The following ANKS1B variants were observed in gnomAD, a reference collection of about 807,000 sequenced individuals.
ANKS1B encodes ankyrin repeat and sterile alpha motif domain-containing protein 1B.
ANKS1B carries 36 observed loss-of-function variants against 148.3 expected under a neutral mutation model. That is an observed-to-expected ratio of 0.24 (90% confidence interval 0.19 to 0.32). The LOEUF is 0.32. ANKS1B is among the 10% of genes least tolerant of loss of function. The probability of loss-of-function intolerance (pLI) is 1.00; values close to 1 mark genes in which losing one functional copy is unlikely to be tolerated. For missense variants in ANKS1B, 1,157 were observed against 1,542.6 expected, an observed-to-expected ratio of 0.75 and a Z score of 4.19; for synonymous variants, 542 against 560.8, an observed-to-expected ratio of 0.97 and a Z score of 0.47.
chr12:99,542,518 TA>T (rs34058101), intron 9 of ANKS1B, among the ~76,000 whole-genome samples: 57,118 of 151,672 alleles, frequency 0.38, 10,934 homozygotes, highest in Admixed American at 0.41. Context: ...AAAATCCCTA[TA>T]AAAAAAATCC....
intron 9 of ANKS1B, among the ~76,000 whole-genome samples, chr12:99,547,640 AACT>A (rs1336597869): frequency 6.6e-6 from 1 of 152,214 alleles, no homozygotes; most frequent in Non-Finnish European, 1.5e-5. Flanking sequence ...GTAGAATACA[AACT>A]ACTCAACTGA....
chr12:99,202,157 G>T (rs538247652), intron 14 of ANKS1B, among the ~76,000 whole-genome samples: 1 of 152,066 alleles, frequency 6.6e-6, no homozygotes, highest in Non-Finnish European at 1.5e-5. Context: ...GTTAAGCTTC[G>T]GCTTTCTCTT....
chr12:99,713,016 T>C (rs2056841924), intron 8 of ANKS1B, among the ~76,000 whole-genome samples: 1 of 152,216 alleles, frequency 6.6e-6, no homozygotes. Flanking sequence ...TCTTTCTCTG[T>C]CTCTTTCAGT....
chr12:99,399,329 T>C (rs2094340104), intron 12 of ANKS1B, among the ~76,000 whole-genome samples: 1 of 152,148 alleles, frequency 6.6e-6, no homozygotes, highest in Non-Finnish European at 1.5e-5. Context: ...TGTTGATTAG[T>C]TGATACCGCT....
intron 11 of ANKS1B, 64 bp downstream of exon 11, chr12:99,443,609 T>G: frequency 6.5e-7 from 1 of 1,540,884 alleles, no homozygotes; most frequent in African/African-American, 1.4e-5. Context: ...ATATAAGTGA[T>G]GTACATGCAT....
intron 17 of ANKS1B, among the ~76,000 whole-genome samples, chr12:98,973,639 G>T (rs2099885767): frequency 6.6e-6 from 1 of 152,128 alleles, no homozygotes; most frequent in African/African-American, 2.4e-5. Flanking sequence ...TCTGCCCTTA[G>T]TCAGCCTTCT....
At chr12:99,351,987 C>T (rs1010821059) in intron 12 of ANKS1B, 3 of 151,950 alleles carry the variant, frequency 2.0e-5, no homozygotes, top group African/African-American at 4.8e-5. Flanking sequence ...TCAGAATATT[C>T]GGAAATGTGA....
In ANKS1B at chr12:98,751,336, C is replaced by A; in HGVS notation, c.3747+19G>T. ...TCCTGTTCAAGGTTTTTTAGAACAT[C>A]TGTATCGTTTCTACTTACCACGGAC... is the stretch of plus-strand genomic sequence containing the variant. On this transcript the variant is annotated intron_variant, in intron 26 of 26. Coordinates refer to ENST00000683438, the MANE Select transcript of ANKS1B (RefSeq NM_001352186.2). The surrounding 1 kb of genome is among the most constrained non-coding windows in gnomAD (Gnocchi z 4.3). 1.2e-6 allele frequency: 2 copies of A among 1,612,146 alleles called. No individual in the cohort carries two copies. The highest frequency in any genetic ancestry group is 1.7e-6 in the Non-Finnish European group (2 of 1,179,302).
intron 8 of ANKS1B, among the ~76,000 whole-genome samples, chr12:99,724,375 C>T (rs2058409374): frequency 6.6e-6 from 1 of 152,072 alleles, no homozygotes; most frequent in Non-Finnish European, 1.5e-5. Context: ...GTATCAATAG[C>T]CGAATCAACC....
At chr12:99,553,903 T>C (rs978671274) in intron 9 of ANKS1B, among the ~76,000 whole-genome samples, 3 of 152,150 alleles carry the variant, frequency 2.0e-5, no homozygotes, top group Non-Finnish European at 4.4e-5. Context: ...TGGTTCAAGG[T>C]TGAACAAATG....
At chr12:99,740,746 G>A (rs778074707) in intron 8 of ANKS1B, among the ~76,000 whole-genome samples, 24 of 152,148 alleles carry the variant, frequency 1.6e-4, no homozygotes, top group Non-Finnish European at 2.1e-4. Context: ...AGCCCATGGA[G>A]GGCAAGCTGA....
intron 17 of ANKS1B, among the ~76,000 whole-genome samples, chr12:99,039,610 T>C (rs2099957660): frequency 6.6e-6 from 1 of 152,216 alleles, no homozygotes; most frequent in South Asian, 2.1e-4. Flanking sequence ...CAGCCTCTCA[T>C]CCACTCTGCT....
chr12:99,062,642 T>G (rs1227989193), intron 16 of ANKS1B, among the ~76,000 whole-genome samples: 1 of 152,106 alleles, frequency 6.6e-6, no homozygotes, highest in Non-Finnish European at 1.5e-5. Flanking sequence ...GACACCTTAT[T>G]GAGAAGAGCA....
rs149943940 is a variant in ANKS1B, at chr12:98,863,459, G to A, written c.2779-31323C>T. ...GACCCAAGTGAGGCTTCTGTGCTGT[G>A]TGCCTGGTTAGGTGGAGACCCTGAT... On this transcript the variant is annotated intron_variant, in intron 17 of 26. Transcript: ENST00000683438. Among the ~76,000 whole-genome samples the A allele has an allele frequency of 6.4e-4, 98 of 152,348 alleles. 1 individual carries two copies. Among genetic ancestry groups the A allele is most frequent in the Non-Finnish European group, 1.0e-3 (68 of 68,036 alleles).
At chr12:99,871,623 C>T (rs1456754987) in intron 1 of ANKS1B, among the ~76,000 whole-genome samples, 2 of 152,094 alleles carry the variant, frequency 1.3e-5, no homozygotes, top group East Asian at 1.9e-4. Context: ...AGAAATATTT[C>T]ACCTCCTTGA....
At chr12:99,863,889 G>A (rs1007219352) in intron 1 of ANKS1B, among the ~76,000 whole-genome samples, 5 of 151,540 alleles carry the variant, frequency 3.3e-5, no homozygotes, top group Admixed American at 2.0e-4. Flanking sequence ...GGCCAACATA[G>A]TGAAACTCCT....
intron 10 of ANKS1B, among the ~76,000 whole-genome samples, chr12:99,486,406 G>A (rs2096488941): frequency 6.6e-6 from 1 of 151,916 alleles, no homozygotes; most frequent in Non-Finnish European, 1.5e-5. Context: ...CTATGGGGTT[G>A]GAATGGCAGA....
At position 99,404,300 on chromosome 12, in the gene ANKS1B, A is replaced by T. The variant is rs1385310237; in HGVS notation, c.1576-4489T>A. ...ACTATTTTACCTATGTAACCTGCAC[A>T]TGTACTCCTGAACTCAAAATAGAAG... On this transcript the variant is annotated intron_variant, in intron 11 of 26. Transcript: ENST00000683438. Among the ~76,000 whole-genome samples, 2 of 145,982 alleles carry T rather than the reference A, an allele frequency of 1.4e-5. 1 individual carries two copies. The highest frequency in any genetic ancestry group is 3.0e-5 in the Non-Finnish European group (2 of 66,110).
At chr12:98,866,248 T>C (rs2099624131) in intron 17 of ANKS1B, among the ~76,000 whole-genome samples, 1 of 152,204 alleles carries the variant, frequency 6.6e-6, no homozygotes, top group South Asian at 2.1e-4. Context: ...CTTCTGCGAA[T>C]CTTCAGTTAC....
Sources: allele counts gnomAD v4.1 joint callset (sites outside exome capture counted in the v4.1 genomes callset), GRCh38; gene constraint gnomAD v4.1.1; non-coding constraint Gnocchi (gnomAD v3.1); transcripts MANE v1.5; gene names NCBI Gene and HGNC (gene_info 2026-07-23, HGNC 2026-07-21).